CD164: variants seen among roughly 807,000 people sequenced by gnomAD.
The protein encoded by CD164 is CD164 molecule.
In CD164, 11 loss-of-function variants were observed where a neutral mutation model predicts 24.6. The ratio of observed to expected loss-of-function variants is 0.45; its 90% CI spans 0.28 to 0.74. CD164 has a LOEUF of 0.74. Ranked by LOEUF, CD164 falls within the 30% of genes least tolerant of loss-of-function variation. CD164 has a pLI of 0.13. For missense variants in CD164, 295 were observed against 243.7 expected (o/e 1.21, Z -1.40); for synonymous variants, 126 against 100.3 (o/e 1.26, Z -1.53).
rs576467560 is a variant in CD164, at chr6:109,371,552, A to G, written c.371-1085T>C. On this transcript the variant is annotated intron_variant, in intron 4 of 5. Transcript: ENST00000310786. Reference sequence around the variant, plus strand: ...GCATGACTCACCTCGTCCAGCCAGTATATCACCTATTAAGTTTCTATTGGT... The same window carrying G: ...GCATGACTCACCTCGTCCAGCCAGTGTATCACCTATTAAGTTTCTATTGGT... 2.6e-5 allele frequency: 4 copies of G among 153,882 alleles called. No homozygotes were observed. The South Asian group carries it at 6.2e-4, about 24-fold the overall frequency. The allele number at this position is 153,882 out of a possible 1,614,324, so 9.5% of individuals were successfully genotyped here.
chr6:109,377,157 C>G (rs1028767510), intron 3 of CD164, among the ~76,000 whole-genome samples: 2 of 152,170 alleles, frequency 1.3e-5, no homozygotes, highest in African/African-American at 4.8e-5. Flanking sequence ...CGTGTACCAC[C>G]TAACTATATT....
chr6:109,381,359 C>G lies in CD164; in HGVS notation c.175+845G>C, dbSNP rs1467804154. 35 of 612,182 alleles carry G rather than the reference C, an allele frequency of 5.7e-5. No individual in the cohort carries two copies. The South Asian group carries it at 6.4e-4, about 11-fold the overall frequency. The allele number at this position is 612,182 out of a possible 1,614,324, so 37.9% of individuals were successfully genotyped here. On this transcript the variant is annotated intron_variant, in intron 1 of 5. Coordinates refer to ENST00000310786, the MANE Select transcript of CD164 (RefSeq NM_006016.6). ...ACAGACCTGGGCACAAACCCCCGTT[C>G]CACGACCTACTAAACATACGCTATC...
intron 5 of CD164, among the ~76,000 whole-genome samples, chr6:109,369,803 G>T (rs1348851395): frequency 6.6e-6 from 1 of 152,124 alleles, no homozygotes; most frequent in African/African-American, 2.4e-5. Flanking sequence ...CAAAAAGCAG[G>T]TAGAAGATTC....
At chr6:109,372,339 G>T (rs141150937) in intron 4 of CD164, 1 of 152,112 alleles carries the variant, frequency 6.6e-6, no homozygotes, top group Non-Finnish European at 1.5e-5. Flanking sequence ...CAGGACTCTC[G>T]TAACAGGCTG....
At chr6:109,377,034 G>A (rs938854408) in intron 3 of CD164, among the ~76,000 whole-genome samples, 1 of 152,062 alleles carries the variant, frequency 6.6e-6, no homozygotes. Flanking sequence ...CTTCTGGGGA[G>A]GCTGAGGCAG....
intron 2 of CD164, among the ~76,000 whole-genome samples, chr6:109,378,556 T>C (rs1289868998): frequency 6.6e-6 from 1 of 152,228 alleles, no homozygotes; most frequent in Non-Finnish European, 1.5e-5. Context: ...CAAATCTCAC[T>C]GCTTTAGTCT....
rs367979149 is a variant in CD164 at position 109,366,801 on chromosome 6, G to C, written c.*2050C>G. The C allele has an allele frequency of 6.6e-6, 1 of 152,492 alleles. No individual in the cohort carries two copies. The highest frequency in any genetic ancestry group is 1.5e-5 in the Non-Finnish European group (1 of 68,026). The allele number at this position is 152,492 out of a possible 1,614,324, so 9.4% of individuals were successfully genotyped here. ...AAAGTTAGGGGAAAAAAGTAAAAAG[G>C]CTGTGAGTTCTGTTGCAAGAGCTCA... On this transcript the variant is annotated 3_prime_UTR_variant, in exon 6 of 6. Coordinates refer to ENST00000310786, the MANE Select transcript of CD164 (RefSeq NM_006016.6).
intron 1 of CD164, 39 bp from the exon 2 acceptor site, chr6:109,379,701 T>G (rs1379579311): frequency 7.0e-7 from 1 of 1,431,374 alleles, no homozygotes. Flanking sequence ...AATCAATGAT[T>G]TTATTAGTAT....
intron 3 of CD164, among the ~76,000 whole-genome samples, chr6:109,376,535 A>G (rs781447003): frequency 2.6e-5 from 4 of 152,170 alleles, no homozygotes; most frequent in Admixed American, 1.3e-4. Flanking sequence ...TAAAAACCTA[A>G]AGAAGCCTCA....
chr6:109,376,020 A>G, intron 4 of CD164, 54 bp downstream of exon 4: 1 of 1,357,906 alleles, frequency 7.4e-7, no homozygotes, highest in Non-Finnish European at 1.0e-6. Flanking sequence ...CTAATCCATC[A>G]AGAAAGCTTA....
At chr6:109,371,566 G>A (rs1346322486) in intron 4 of CD164, 2 of 153,868 alleles carry the variant, frequency 1.3e-5, no homozygotes, top group East Asian at 3.9e-4. Context: ...CACCTATTAA[G>A]TTTCTATTGG....
chr6:109,375,371 C>T (rs1771334388), intron 4 of CD164, among the ~76,000 whole-genome samples: 1 of 151,954 alleles, frequency 6.6e-6, no homozygotes, highest in Admixed American at 6.6e-5. Flanking sequence ...AATCCCGGCT[C>T]TTTGGGAGTC....
rs374139168 is a variant in CD164, at chr6:109,377,887, T to C, written c.331+13A>G. ...CTGCGGTCAGCTTCCAAGCAGCCAATATGAATACTTACCGGAACAGAAGTC... is the reference window on the plus strand; with the variant it reads ...CTGCGGTCAGCTTCCAAGCAGCCAACATGAATACTTACCGGAACAGAAGTC... On this transcript the variant is annotated intron_variant, in intron 3 of 5. Transcript: ENST00000310786. The C allele has an allele frequency of 2.7e-5, 44 of 1,608,362 alleles. No individual in the cohort carries two copies. The highest frequency in any genetic ancestry group is 3.4e-5 in the Non-Finnish European group (40 of 1,174,958).
At chr6:109,375,027 T>G (rs1017339428) in intron 4 of CD164, among the ~76,000 whole-genome samples, 2 of 152,240 alleles carry the variant, frequency 1.3e-5, no homozygotes, top group African/African-American at 4.8e-5. Flanking sequence ...AAATGTTAAG[T>G]ATTTAATATT....
chr6:109,375,638 A>C (rs1038646370), intron 4 of CD164, among the ~76,000 whole-genome samples: 5 of 151,934 alleles, frequency 3.3e-5, no homozygotes, highest in African/African-American at 1.2e-4. Flanking sequence ...AAAGAAAAGA[A>C]AAAAAGAAAT....
chr6:109,378,558 C>T lies in CD164; in HGVS notation c.260-587G>A, dbSNP rs1771552164. ...AGAAACTCTATTCCAAATCTCACTG[C>T]TTTAGTCTTCTATACTTTCTAAAAC... On this transcript the variant is annotated intron_variant, in intron 2 of 5. Transcript: ENST00000310786. 2.0e-5 allele frequency among the ~76,000 whole-genome samples: 3 copies of T among 152,136 alleles called. No individual in the cohort carries two copies. In the South Asian group the frequency reaches 6.2e-4, roughly 31 times the overall value.
At chr6:109,374,546 A>G (rs377300489) in intron 4 of CD164, among the ~76,000 whole-genome samples, 8 of 152,124 alleles carry the variant, frequency 5.3e-5, no homozygotes, top group Admixed American at 1.3e-4. Flanking sequence ...CATCGTTCCA[A>G]TCTACTCTCC....
intron 4 of CD164, among the ~76,000 whole-genome samples, chr6:109,373,180 T>C (rs1771188236): frequency 6.6e-6 from 1 of 152,248 alleles, no homozygotes; most frequent in South Asian, 2.1e-4. Context: ...TAGGCATGTA[T>C]ATAACAAGAG....
chr6:109,370,019 T>C (rs894126151), intron 5 of CD164, among the ~76,000 whole-genome samples: 4 of 152,238 alleles, frequency 2.6e-5, no homozygotes, highest in African/African-American at 9.6e-5. Flanking sequence ...TCTGGCTTTT[T>C]AGACCTTTCT....
Sources: allele counts gnomAD v4.1 joint callset (sites outside exome capture counted in the v4.1 genomes callset), GRCh38; gene constraint gnomAD v4.1.1; transcripts MANE v1.5; gene names NCBI Gene and HGNC (gene_info 2026-07-23, HGNC 2026-07-21).